CCNJL: variants seen among roughly 807,000 people sequenced by gnomAD.
The protein encoded by CCNJL is cyclin-J-like protein.
Under a neutral mutation model 33.4 loss-of-function variants are expected in CCNJL, and 33 were observed. That is an observed-to-expected ratio of 0.99 (90% CI 0.75 to 1.32). CCNJL has a LOEUF of 1.32. CCNJL is among the 40% of genes most tolerant of loss of function. CCNJL has a pLI of 0.00. For synonymous variants in CCNJL, 227 were observed against 220.9 expected (o/e 1.03, Z -0.24); for missense variants, 512 against 499.7 (o/e 1.02, Z -0.23).
intron 2 of CCNJL, among the ~76,000 whole-genome samples, chr5:160,290,168 C>T (rs767538781): frequency 6.6e-6 from 1 of 152,190 alleles, no homozygotes. Flanking sequence ...GTGTCCTGCA[C>T]TGCATTATTT....
chr5:160,310,750 G>C (rs1763235245), intron 2 of CCNJL, among the ~76,000 whole-genome samples: 1 of 152,156 alleles, frequency 6.6e-6, no homozygotes, highest in African/African-American at 2.4e-5. Context: ...TGTAAGAAGA[G>C]AAAACAGACA....
At chr5:160,327,744 A>T (rs1393067723) in intron 1 of CCNJL, among the ~76,000 whole-genome samples, 1 of 152,230 alleles carries the variant, frequency 6.6e-6, no homozygotes, top group Non-Finnish European at 1.5e-5. Flanking sequence ...TAACACCCTC[A>T]CATTGACTTT....
chr5:160,324,627 G>GTCTGTCTGTCTA (rs140137170), intron 1 of CCNJL, among the ~76,000 whole-genome samples: 1 of 151,570 alleles, frequency 6.6e-6, no homozygotes, highest in African/African-American at 2.4e-5. Flanking sequence ...AAAACTGTCT[G>GTCTGTCTGTCTA]TCTATCTATC....
chr5:160,296,769 G>A (rs1762761351), intron 2 of CCNJL, among the ~76,000 whole-genome samples: 2 of 152,178 alleles, frequency 1.3e-5, no homozygotes, highest in South Asian at 2.1e-4. Flanking sequence ...CCTGCAGAGA[G>A]ATGAACTTCA....
chr5:160,263,425 G>A (rs372565277), intron 3 of CCNJL, among the ~76,000 whole-genome samples: 17 of 152,262 alleles, frequency 1.1e-4, no homozygotes, highest in Admixed American at 3.9e-4. Flanking sequence ...TTCACACATG[G>A]AGTCTATTAC....
chr5:160,291,439 T>C (rs1244102795), intron 2 of CCNJL, among the ~76,000 whole-genome samples: 4 of 151,148 alleles, frequency 2.6e-5, no homozygotes, highest in African/African-American at 9.9e-5. Context: ...CATTTGTTCG[T>C]CAAAAAAATA....
intron 3 of CCNJL, among the ~76,000 whole-genome samples, chr5:160,260,734 T>C (rs900643761): frequency 1.1e-4 from 16 of 152,160 alleles, no homozygotes; most frequent in Non-Finnish European, 4.4e-5. Flanking sequence ...GACCCTGTCC[T>C]TGGCAGTTCT....
chr5:160,258,598 T>C, intron 4 of CCNJL: 1 of 1,381,138 alleles, frequency 7.2e-7, no homozygotes, highest in Non-Finnish European at 1.0e-6. Context: ...ATCATGTAGT[T>C]GAAGTCTGTG....
At chr5:160,290,901 C>A (rs1416496571) in intron 2 of CCNJL, among the ~76,000 whole-genome samples, 1 of 151,640 alleles carries the variant, frequency 6.6e-6, no homozygotes, top group Admixed American at 6.6e-5. Context: ...TGAAGACCAG[C>A]GAGGAGGCAT....
chr5:160,300,541 T>C (rs866025988), intron 2 of CCNJL, among the ~76,000 whole-genome samples: 2 of 152,202 alleles, frequency 1.3e-5, no homozygotes, highest in African/African-American at 2.4e-5. Context: ...TTTTTTGTGA[T>C]TCTTTTTTTA....
At chr5:160,265,616 C>CG (rs1761547418) in intron 3 of CCNJL, among the ~76,000 whole-genome samples, 1 of 151,270 alleles carries the variant, frequency 6.6e-6, no homozygotes, top group South Asian at 2.1e-4. Context: ...TCCTGGGCAA[C>CG]AGAGTGAGAC....
chr5:160,308,971 G>T (rs1265692177), intron 2 of CCNJL, among the ~76,000 whole-genome samples: 5 of 152,248 alleles, frequency 3.3e-5, no homozygotes. Flanking sequence ...AGCTTGACTT[G>T]TTCCAGGAAC....
chr5:160,287,560 A>T (rs562916647), intron 2 of CCNJL, among the ~76,000 whole-genome samples: 43 of 152,324 alleles, frequency 2.8e-4, no homozygotes, highest in African/African-American at 1.0e-3. Context: ...GGGTGCAGGG[A>T]AGGCATTCAT....
chr5:160,300,904 C>T (rs555202640), intron 2 of CCNJL, among the ~76,000 whole-genome samples: 1 of 152,056 alleles, frequency 6.6e-6, no homozygotes, highest in Non-Finnish European at 1.5e-5. Context: ...GGGTAATATC[C>T]AGGGTTAGCA....
intron 3 of CCNJL, among the ~76,000 whole-genome samples, chr5:160,270,454 A>C (rs1168245299): frequency 6.6e-6 from 1 of 152,116 alleles, no homozygotes; most frequent in East Asian, 1.9e-4. Flanking sequence ...GAAAAAAAAA[A>C]AAATTAGCAG....
At chr5:160,314,845 T>TA (rs1273697364), upstream of CCNJL, among the ~76,000 whole-genome samples, 2 of 152,172 alleles carry the variant, frequency 1.3e-5, no homozygotes, top group Non-Finnish European at 2.9e-5. Flanking sequence ...GCATGCAAAT[T>TA]AAAAGCTTTT....
intron 2 of CCNJL, among the ~76,000 whole-genome samples, chr5:160,289,026 T>G (rs977109080): frequency 9.2e-5 from 14 of 152,140 alleles, no homozygotes; most frequent in Non-Finnish European, 2.1e-4. Context: ...CTGCAATGGC[T>G]GCCTAGTTTT....
intron 3 of CCNJL, among the ~76,000 whole-genome samples, chr5:160,277,306 G>T (rs1258006626): frequency 1.3e-5 from 2 of 152,188 alleles, no homozygotes; most frequent in African/African-American, 2.4e-5. Flanking sequence ...CAGTAAGGAA[G>T]GAAGCCACAG....
intron 1 of CCNJL, among the ~76,000 whole-genome samples, chr5:160,335,238 G>A (rs1002063013): frequency 6.6e-6 from 1 of 152,112 alleles, no homozygotes; most frequent in Admixed American, 6.6e-5. Context: ...ACTCCAGCCT[G>A]GGCAAGAGAG....
Sources: allele counts gnomAD v4.1 joint callset (sites outside exome capture counted in the v4.1 genomes callset), GRCh38; gene constraint gnomAD v4.1.1; transcripts MANE v1.5; gene names NCBI Gene and HGNC (gene_info 2026-07-23, HGNC 2026-07-21).